Variants in NUBPL observed in about 807,000 individuals in gnomAD.
NUBPL encodes the protein iron-sulfur cluster transfer protein NUBPL.
In NUBPL, 31 loss-of-function variants were observed where a neutral mutation model predicts 45.7. The observed-to-expected ratio is 0.68, with a 90% CI of 0.51 to 0.92. The LOEUF (loss-of-function observed/expected upper bound fraction) is 0.92. Ranked by LOEUF, NUBPL falls within the 40% of genes least tolerant of loss-of-function variation. The probability of loss-of-function intolerance (pLI) is 0.00; values close to 1 mark genes in which losing one functional copy is unlikely to be tolerated. For missense variants in NUBPL, 401 were observed against 398.7 expected (o/e 1.01, Z -0.05); for synonymous variants, 144 against 140.9 (o/e 1.02, Z -0.15).
At chr14:31,683,674 C>T (rs531965819) in intron 6 of NUBPL, among the ~76,000 whole-genome samples, 2 of 152,152 alleles carry the variant, frequency 1.3e-5, no homozygotes, top group Non-Finnish European at 2.9e-5. Context: ...TTTTTATTTA[C>T]CTACACACTT....
intron 4 of NUBPL, among the ~76,000 whole-genome samples, chr14:31,612,652 T>G (rs1371728499): frequency 6.7e-6 from 1 of 148,392 alleles, no homozygotes; most frequent in Non-Finnish European, 1.5e-5. Flanking sequence ...AGAGCAAGAC[T>G]CTGTCTCAGA....
At chr14:31,578,790 A>G (rs1257870043) in intron 3 of NUBPL, among the ~76,000 whole-genome samples, 1 of 152,200 alleles carries the variant, frequency 6.6e-6, no homozygotes, top group African/African-American at 2.4e-5. Flanking sequence ...CCACTTAAAG[A>G]GAGCGGGCAG....
intron 6 of NUBPL, among the ~76,000 whole-genome samples, chr14:31,692,574 G>C (rs1413361518): frequency 6.6e-6 from 1 of 152,190 alleles, no homozygotes; most frequent in Non-Finnish European, 1.5e-5. Context: ...CTAGGCTTCT[G>C]ATAATGGCAT....
At chr14:31,701,801 A>G (rs1474776504) in intron 6 of NUBPL, among the ~76,000 whole-genome samples, 1 of 151,378 alleles carries the variant, frequency 6.6e-6, no homozygotes, top group Non-Finnish European at 1.5e-5. Context: ...CCGCGGCTTC[A>G]TTCTTGAAGT....
chr14:31,734,472 T>C (rs1293696559), intron 6 of NUBPL, among the ~76,000 whole-genome samples: 1 of 152,200 alleles, frequency 6.6e-6, no homozygotes, highest in Non-Finnish European at 1.5e-5. Context: ...ATGAGAAAGC[T>C]TCAAAAACCA....
At chr14:31,818,132 A>G (rs2039953439) in intron 7 of NUBPL, among the ~76,000 whole-genome samples, 2 of 152,338 alleles carry the variant, frequency 1.3e-5, no homozygotes, top group South Asian at 2.1e-4. Context: ...TCCTAAATAT[A>G]TATGCACCCA....
intron 6 of NUBPL, among the ~76,000 whole-genome samples, chr14:31,685,531 G>A (rs771769759): frequency 3.9e-5 from 6 of 151,962 alleles, no homozygotes; most frequent in Non-Finnish European, 5.9e-5. Flanking sequence ...AAAGAGGACA[G>A]CCATACCTTT....
chr14:31,664,663 C>T (rs1326125937), intron 4 of NUBPL, among the ~76,000 whole-genome samples: 5 of 152,090 alleles, frequency 3.3e-5, no homozygotes, highest in Admixed American at 1.3e-4. Context: ...ATTTTCACAT[C>T]GATGTTCATC....
chr14:31,631,555 C>A (rs12890523), intron 4 of NUBPL, among the ~76,000 whole-genome samples: 5,164 of 149,544 alleles, frequency 0.035, 131 homozygotes, highest in Non-Finnish European at 0.051. Context: ...GAGGCTAAGT[C>A]CCAAGATCTA....
At chr14:31,722,583 C>T (rs2037834586) in intron 6 of NUBPL, among the ~76,000 whole-genome samples, 1 of 152,182 alleles carries the variant, frequency 6.6e-6, no homozygotes, top group Non-Finnish European at 1.5e-5. Context: ...TCCCTTTTCT[C>T]CGCTACTTCG....
At chr14:31,627,381 T>C (rs2035231583) in intron 4 of NUBPL, among the ~76,000 whole-genome samples, 1 of 152,042 alleles carries the variant, frequency 6.6e-6, no homozygotes, top group Non-Finnish European at 1.5e-5. Flanking sequence ...TGCAATGCAT[T>C]TCGGCTTACT....
Position 31,751,730 on chromosome 14 carries a change from C to G in NUBPL, c.514-36050C>G, listed in dbSNP as rs142680650. 2.5e-4 allele frequency among the ~76,000 whole-genome samples: 38 copies of G among 152,354 alleles called. 1 individual carries two copies. In the East Asian group the frequency reaches 7.1e-3, roughly 29 times the overall value. On this transcript the variant is annotated intron_variant, in intron 6 of 10. Transcript: ENST00000281081. ...TAGTGGCCCTCTTCTCCCAGCTCCA[C>G]TAGGCAGTGTCCCAGCGGGGACTCT...
chr14:31,811,746 C>G (rs1412675476), intron 7 of NUBPL, among the ~76,000 whole-genome samples: 1 of 152,136 alleles, frequency 6.6e-6, no homozygotes, highest in Non-Finnish European at 1.5e-5. Flanking sequence ...TTCTCTCCAT[C>G]TTTGTGGTTT....
chr14:31,843,762 A>G (rs992714366), intron 8 of NUBPL: 4 of 152,154 alleles, frequency 2.6e-5, no homozygotes, highest in Non-Finnish European at 2.9e-5. Flanking sequence ...TTAAGATCAA[A>G]TGTTTCTTCA....
chr14:31,654,543 G>A (rs1208101607), intron 4 of NUBPL, among the ~76,000 whole-genome samples: 4 of 151,910 alleles, frequency 2.6e-5, no homozygotes. Flanking sequence ...AGAGTAGCTG[G>A]GACTGCAGGC....
intron 4 of NUBPL, among the ~76,000 whole-genome samples, chr14:31,610,797 T>G (rs1164001900): frequency 2.6e-5 from 4 of 152,148 alleles, no homozygotes; most frequent in African/African-American, 9.7e-5. Flanking sequence ...ATTAATGTGA[T>G]GCAGTGTATC....
intron 6 of NUBPL, among the ~76,000 whole-genome samples, chr14:31,714,060 A>C (rs907053515): frequency 6.6e-6 from 1 of 152,246 alleles, no homozygotes; most frequent in Non-Finnish European, 1.5e-5. Context: ...AGGTCTAGAA[A>C]GTCAAAAGAT....
intron 6 of NUBPL, among the ~76,000 whole-genome samples, chr14:31,738,096 A>C (rs1393259637): frequency 1.3e-5 from 2 of 152,176 alleles, no homozygotes; most frequent in East Asian, 3.8e-4. Context: ...TAAACTTTTA[A>C]AATAGTGGTT....
chr14:31,561,409 C>A lies in NUBPL; in HGVS notation c.-31C>A, dbSNP rs2084269745. ...CACTCCGCGCCACCCGCGACAGTTT[C>A]CCAGCAGGGCTCACAGCAGCGTTCC... On this transcript the variant is annotated 5_prime_UTR_variant, in exon 1 of 11. Transcript: ENST00000281081. The A allele has an allele frequency of 7.8e-7, 1 of 1,278,488 alleles. No homozygotes were observed. The highest frequency in any genetic ancestry group is 1.0e-6 in the Non-Finnish European group (1 of 985,304). 79.2% of individuals were successfully genotyped at this position (1,278,488 alleles called of 1,614,324 possible).
Sources: gnomAD v4.1 joint callset for allele counts (sites outside exome capture counted in the v4.1 genomes callset) on GRCh38, gnomAD v4.1.1 for gene constraint, MANE v1.5 for transcripts, NCBI Gene and HGNC (gene_info 2026-07-23, HGNC 2026-07-21) for gene names.